The following NFIA variants were observed in gnomAD, a reference collection of about 807,000 sequenced individuals.
The protein encoded by NFIA is nuclear factor 1 A-type.
In NFIA, 8 loss-of-function variants were observed where a neutral mutation model predicts 62.8. The observed-to-expected ratio is 0.13, with a 90% CI of 0.07 to 0.23. The LOEUF is 0.23. Ranked by LOEUF, NFIA falls within the 10% of genes least tolerant of loss-of-function variation. The pLI, the probability that NFIA is intolerant of heterozygous loss-of-function variation, is 1.00. For synonymous variants in NFIA, 235 were observed against 238.1 expected, an observed-to-expected ratio of 0.99 and a Z score of 0.12; for missense variants, 410 against 642.1, an observed-to-expected ratio of 0.64 and a Z score of 3.91.
At chr1:61,222,621 C>T (rs926284824) in intron 2 of NFIA, among the ~76,000 whole-genome samples, 5 of 152,046 alleles carry the variant, frequency 3.3e-5, no homozygotes, top group African/African-American at 1.2e-4. Flanking sequence ...AGTACCACAT[C>T]TGGTAAAAAG....
chr1:61,082,436 A>G, upstream of NFIA: 1 of 1,022,490 alleles, frequency 9.8e-7, no homozygotes, highest in South Asian at 3.2e-5. Flanking sequence ...GCGGAGGCGG[A>G]GGCGGGCGCG....
At chr1:61,352,742 G>A (rs886227780) in intron 5 of NFIA, among the ~76,000 whole-genome samples, 175 bp downstream of exon 5, 2 of 137,690 alleles carry the variant, frequency 1.5e-5, no homozygotes, top group Non-Finnish European at 3.1e-5. Flanking sequence ...AAATATGCAT[G>A]TGGCAAGATT....
intron 3 of NFIA, among the ~76,000 whole-genome samples, chr1:61,327,281 G>T (rs1660997425): frequency 6.6e-6 from 1 of 151,426 alleles, no homozygotes; most frequent in Non-Finnish European, 1.5e-5. Context: ...GTGACCTTTG[G>T]GGTAAAAGTG....
chr1:61,244,309 G>C (rs1408688429), intron 2 of NFIA, among the ~76,000 whole-genome samples: 1 of 152,178 alleles, frequency 6.6e-6, no homozygotes, highest in Non-Finnish European at 1.5e-5. Flanking sequence ...CTTTGAAGGG[G>C]TTGAGGTGGA....
At chr1:61,089,695 C>CTTTTTTTTTTTTTTTTTTTT (rs918196815) in intron 2 of NFIA, among the ~76,000 whole-genome samples, 6 of 107,746 alleles carry the variant, frequency 5.6e-5, no homozygotes, top group East Asian at 2.6e-4. Context: ...GTTTTTTTTT[C>CTTTTTTTTTTTTTTTTTTTT]TTTTTTTTTT....
At position 61,333,416 on chromosome 1, in the gene NFIA, G is replaced by T. The variant is rs187534901; in HGVS notation, c.700+830G>T. Among the ~76,000 whole-genome samples the T allele has an allele frequency of 3.3e-5, 5 of 152,222 alleles. No individual in the cohort carries two copies. The East Asian group carries it at 9.7e-4, about 29-fold the overall frequency. On this transcript the variant is annotated intron_variant, in intron 4 of 10. Transcript: ENST00000403491. ...AAGCCAGTCCATCTCAGGGCATGAC[G>T]TCAGGTCAAACAAGTCAAGCCATCC...
intron 6 of NFIA, among the ~76,000 whole-genome samples, chr1:61,380,316 A>T (rs1664353192): frequency 6.6e-6 from 1 of 152,232 alleles, no homozygotes; most frequent in African/African-American, 2.4e-5. Flanking sequence ...GGATTACTTC[A>T]TCCGTAGTCT....
chr1:61,092,359 A>T (rs1052944378), intron 2 of NFIA, among the ~76,000 whole-genome samples: 1 of 152,224 alleles, frequency 6.6e-6, no homozygotes, highest in African/African-American at 2.4e-5. Flanking sequence ...CAGTATGAGT[A>T]CTTGTTAGTT....
chr1:61,415,033 A>C (rs988786223), intron 9 of NFIA, among the ~76,000 whole-genome samples: 1 of 152,142 alleles, frequency 6.6e-6, no homozygotes, highest in African/African-American at 2.4e-5. Context: ...TGTTGATTTT[A>C]ATTCCTCTAC....
chr1:61,111,743 C>A (rs941348008), intron 2 of NFIA, among the ~76,000 whole-genome samples: 1 of 152,100 alleles, frequency 6.6e-6, no homozygotes, highest in Admixed American at 6.6e-5. Flanking sequence ...GCATCTGAAT[C>A]TCTATTCAGC....
intron 8 of NFIA, among the ~76,000 whole-genome samples, chr1:61,404,719 C>T (rs1665735763): frequency 6.6e-6 from 1 of 152,164 alleles, no homozygotes. Flanking sequence ...TTGAAAAATA[C>T]AGTCTTGTAA....
chr1:61,140,546 GC>G (rs1647429590), intron 2 of NFIA, among the ~76,000 whole-genome samples: 1 of 151,918 alleles, frequency 6.6e-6, no homozygotes, highest in Non-Finnish European at 1.5e-5. Flanking sequence ...CTTCGCAATG[GC>G]TTTACATATT....
At chr1:61,404,645 G>C (rs1319058601) in intron 8 of NFIA, among the ~76,000 whole-genome samples, 1 of 152,174 alleles carries the variant, frequency 6.6e-6, no homozygotes, top group Non-Finnish European at 1.5e-5. Flanking sequence ...TAATGATTTG[G>C]GGTGGTAGAG....
intron 6 of NFIA, among the ~76,000 whole-genome samples, chr1:61,364,828 G>A (rs1372087401): frequency 6.6e-6 from 1 of 152,126 alleles, no homozygotes; most frequent in Non-Finnish European, 1.5e-5. Flanking sequence ...TTCTACAAGT[G>A]TAAGGAGCAC....
chr1:61,201,540 G>C (rs1024142838), intron 2 of NFIA, among the ~76,000 whole-genome samples: 6 of 151,632 alleles, frequency 4.0e-5, no homozygotes, highest in African/African-American at 1.5e-4. Flanking sequence ...AAAGGAAAAA[G>C]GAAATAAGGG....
intron 2 of NFIA, among the ~76,000 whole-genome samples, chr1:61,120,440 A>C (rs144740158): frequency 2.0e-5 from 3 of 152,130 alleles, no homozygotes; most frequent in Non-Finnish European, 4.4e-5. Context: ...ATCAAAATCA[A>C]CGTTTGTTAC....
chr1:61,296,910 C>T (rs983292134), intron 3 of NFIA, among the ~76,000 whole-genome samples: 20 of 152,182 alleles, frequency 1.3e-4, no homozygotes, highest in African/African-American at 4.3e-4. Flanking sequence ...GCTAGAAGTA[C>T]GGCAGAATGG....
At chr1:61,198,041 G>A (rs1327544688) in intron 2 of NFIA, among the ~76,000 whole-genome samples, 2 of 152,158 alleles carry the variant, frequency 1.3e-5, no homozygotes, top group Admixed American at 6.5e-5. Context: ...GACATAGATA[G>A]TCTATTCCCA....
intron 2 of NFIA, among the ~76,000 whole-genome samples, chr1:61,229,726 T>C (rs989301822): frequency 1.1e-4 from 16 of 152,204 alleles, no homozygotes; most frequent in Non-Finnish European, 2.4e-4. Context: ...AATGTTGACT[T>C]TTCTACAAAA....
Sources: gnomAD v4.1 joint callset for allele counts (sites outside exome capture counted in the v4.1 genomes callset) on GRCh38, gnomAD v4.1.1 for gene constraint, MANE v1.5 for transcripts, NCBI Gene and HGNC (gene_info 2026-07-23, HGNC 2026-07-21) for gene names.